Variants in TRMT11 observed in about 807,000 individuals in gnomAD.
TRMT11 encodes the protein tRNA (guanine(10)-N(2))-methyltransferase TRMT11.
Under a neutral mutation model 62.8 loss-of-function variants are expected in TRMT11, and 53 were observed. That is an observed-to-expected ratio of 0.84 (90% CI 0.68 to 1.06). TRMT11 has a LOEUF of 1.06. Among genes scored for constraint, TRMT11 ranks in the 50% least tolerant of loss-of-function variants. The pLI, the probability that TRMT11 is intolerant of heterozygous loss-of-function variation, is 0.00. For synonymous variants in TRMT11, 188 were observed against 190.3 expected (o/e 0.99, Z 0.10); for missense variants, 556 against 553.4 (o/e 1.00, Z -0.05).
the TRMT11 span, among the ~76,000 whole-genome samples, chr6:126,209,733 AAAG>A: frequency 1.3e-5 from 2 of 152,182 alleles, no homozygotes; most frequent in African/African-American, 2.4e-5. Context: ...CATCTCAAAA[AAAG>A]AAACAAAAAC....
At chr6:126,131,685 G>C (rs1275747260) in intron 21 of TRMT11, among the ~76,000 whole-genome samples, 1 of 151,746 alleles carries the variant, frequency 6.6e-6, no homozygotes. Flanking sequence ...TTTCTTCCAG[G>C]CCTCAAAAAG....
chr6:126,023,320 CG>C, intron 12 of TRMT11, among the ~76,000 whole-genome samples: 1 of 152,256 alleles, frequency 6.6e-6, no homozygotes, highest in East Asian at 1.9e-4. Context: ...TTTCAAACCC[CG>C]TTGATTAACC....
intron 17 of TRMT11, among the ~76,000 whole-genome samples, chr6:126,091,674 A>T (rs1160702569): frequency 6.6e-6 from 1 of 152,120 alleles, no homozygotes; most frequent in Non-Finnish European, 1.5e-5. Flanking sequence ...CTTTGTGCTG[A>T]TGCTCAACAG....
chr6:126,019,394 A>G (rs1353335081), intron 11 of TRMT11, among the ~76,000 whole-genome samples: 1 of 152,176 alleles, frequency 6.6e-6, no homozygotes, highest in Non-Finnish European at 1.5e-5. Flanking sequence ...TTCATGTCAT[A>G]GATGTTAATT....
At chr6:126,173,936 A>C (rs1778357265), upstream of TRMT11, among the ~76,000 whole-genome samples, 1 of 152,172 alleles carries the variant, frequency 6.6e-6, no homozygotes, top group Non-Finnish European at 1.5e-5. Context: ...GCCTGGGATC[A>C]TGTGGGTGGG....
chr6:126,028,520 G>A (rs537357547), intron 12 of TRMT11, among the ~76,000 whole-genome samples: 25 of 152,242 alleles, frequency 1.6e-4, no homozygotes, highest in African/African-American at 5.8e-4. Context: ...GCAGACAGTA[G>A]CCTGGTGATG....
At chr6:126,025,134 C>T (rs1772816151) in intron 12 of TRMT11, among the ~76,000 whole-genome samples, 1 of 152,072 alleles carries the variant, frequency 6.6e-6, no homozygotes, top group South Asian at 2.1e-4. Context: ...ATAAATCAGC[C>T]ATTCTATTTT....
At chr6:126,041,401 G>A (rs541259132), downstream of TRMT11, among the ~76,000 whole-genome samples, 85 of 152,156 alleles carry the variant, frequency 5.6e-4, 2 homozygotes, top group South Asian at 0.013. Flanking sequence ...GAAATTAGAC[G>A]TTGAGGTTGT....
intron 12 of TRMT11, among the ~76,000 whole-genome samples, chr6:126,022,404 A>AT (rs1407430958): frequency 6.6e-6 from 1 of 151,962 alleles, no homozygotes; most frequent in Non-Finnish European, 1.5e-5. Context: ...TATAGTTCCC[A>AT]TCTTACGGAT....
chr6:126,061,754 C>T (rs1185777517), intron 17 of TRMT11, among the ~76,000 whole-genome samples: 2 of 152,166 alleles, frequency 1.3e-5, no homozygotes, highest in African/African-American at 4.8e-5. Context: ...ACTGGACACC[C>T]TCTGATGAAG....
At chr6:126,123,031 A>T (rs1453704993) in intron 21 of TRMT11, among the ~76,000 whole-genome samples, 1 of 152,140 alleles carries the variant, frequency 6.6e-6, no homozygotes, top group Non-Finnish European at 1.5e-5. Context: ...AGTTGGATTT[A>T]AAATCCTGCT....
At chr6:126,099,870 GAGA>G (rs1217271530) in intron 17 of TRMT11, among the ~76,000 whole-genome samples, 4 of 152,348 alleles carry the variant, frequency 2.6e-5, no homozygotes, top group East Asian at 1.9e-4. Context: ...ACTGGAATGA[GAGA>G]AGAAGTGGTT....
At chr6:126,257,137 C>T in the TRMT11 span, among the ~76,000 whole-genome samples, 5 of 151,984 alleles carry the variant, frequency 3.3e-5, no homozygotes, top group Non-Finnish European at 5.9e-5. Context: ...CCACCCACGT[C>T]AGCATCCCAA....
chr6:126,195,064 T>C (rs370063547), intron 1 of TRMT11, among the ~76,000 whole-genome samples: 1 of 152,184 alleles, frequency 6.6e-6, no homozygotes, highest in African/African-American at 2.4e-5. Flanking sequence ...TGCAATGAAC[T>C]GTGATTGTAC....
chr6:125,997,497 T>C (rs1357194642), intron 3 of TRMT11, among the ~76,000 whole-genome samples: 1 of 152,272 alleles, frequency 6.6e-6, no homozygotes, highest in Non-Finnish European at 1.5e-5. Context: ...AAATTGTGTG[T>C]GTGTGTCCAT....
intron 21 of TRMT11, among the ~76,000 whole-genome samples, chr6:126,165,381 G>A (rs901055136): frequency 6.6e-6 from 1 of 152,076 alleles, no homozygotes; most frequent in African/African-American, 2.4e-5. Flanking sequence ...AGTGTTGATG[G>A]TCTTTACATT....
chr6:126,269,261 C>G, the TRMT11 span, among the ~76,000 whole-genome samples: 1 of 89,098 alleles, frequency 1.1e-5, no homozygotes, highest in Non-Finnish European at 2.0e-5. Context: ...GAGACTCCGT[C>G]TCAAAAAAAA....
chr6:126,078,969 C>T (rs1047535383), intron 17 of TRMT11, among the ~76,000 whole-genome samples: 9 of 152,100 alleles, frequency 5.9e-5, no homozygotes, highest in Non-Finnish European at 8.8e-5. Context: ...ATAACCCTTT[C>T]GGGGGGAAAT....
intron 16 of TRMT11, among the ~76,000 whole-genome samples, chr6:126,049,353 A>T (rs891489223): frequency 6.6e-6 from 1 of 152,198 alleles, no homozygotes; most frequent in Non-Finnish European, 1.5e-5. Flanking sequence ...GGACCACTTT[A>T]CCTAGTATGC....
Sources: gnomAD v4.1 joint callset for allele counts (sites outside exome capture counted in the v4.1 genomes callset) on GRCh38, gnomAD v4.1.1 for gene constraint, MANE v1.5 for transcripts, NCBI Gene and HGNC (gene_info 2026-07-23, HGNC 2026-07-21) for gene names.